The following DTNA variants were observed in gnomAD, a reference collection of about 807,000 sequenced individuals.
DTNA encodes the protein dystrophin-related protein 3.
Under a neutral mutation model 100.7 loss-of-function variants are expected in DTNA, and 43 were observed. The observed-to-expected ratio is 0.43, with a 90% CI of 0.33 to 0.55. The LOEUF is 0.55. Among genes scored for constraint, DTNA ranks in the 20% least tolerant of loss-of-function variants. The pLI is 0.04. For synonymous variants in DTNA, 349 were observed against 347.9 expected, an observed-to-expected ratio of 1.00 and a Z score of -0.04; for missense variants, 798 against 953.9, an observed-to-expected ratio of 0.84 and a Z score of 2.15.
intron 3 of DTNA, among the ~76,000 whole-genome samples, chr18:34,771,258 G>A (rs1045375273): frequency 6.6e-5 from 10 of 152,246 alleles, no homozygotes; most frequent in Admixed American, 5.9e-4. Context: ...CCAGCACTTT[G>A]GGAGGCCGAG....
At chr18:34,551,404 T>C (rs547272913) in intron 1 of DTNA, among the ~76,000 whole-genome samples, 2 of 152,274 alleles carry the variant, frequency 1.3e-5, no homozygotes, top group South Asian at 2.1e-4. Context: ...CAGCATCTTC[T>C]CCACGGGTTC....
chr18:34,643,420 C>G (rs569857581), intron 1 of DTNA, among the ~76,000 whole-genome samples: 1 of 152,338 alleles, frequency 6.6e-6, no homozygotes, highest in Non-Finnish European at 1.5e-5. Flanking sequence ...ATGGCAGCAG[C>G]CTATCCCCAG....
In DTNA at chr18:34,808,912, C is replaced by G. The variant is rs148604862; in HGVS notation, c.448+2608C>G. Reference sequence around the variant, plus strand: ...TACAGATAGTGTGACCCCGATAAATCGCATTCCCCACTTTGAGAGCAGTGC... The same window carrying G: ...TACAGATAGTGTGACCCCGATAAATGGCATTCCCCACTTTGAGAGCAGTGC... On this transcript the variant is annotated intron_variant, in intron 5 of 22. Transcript: ENST00000444659. Among the ~76,000 whole-genome samples the G allele has an allele frequency of 2.0e-5, 3 of 152,256 alleles. No homozygotes were observed. In the East Asian group the frequency reaches 5.8e-4, roughly 29 times the overall value.
chr18:34,737,137 G>A (rs1377223665), intron 1 of DTNA, among the ~76,000 whole-genome samples: 3 of 151,996 alleles, frequency 2.0e-5, no homozygotes, highest in African/African-American at 4.8e-5. Flanking sequence ...TAATAATTTG[G>A]GGCTTAACTG....
At chr18:34,773,676 G>A (rs905070056) in intron 3 of DTNA, among the ~76,000 whole-genome samples, 1 of 152,222 alleles carries the variant, frequency 6.6e-6, no homozygotes, top group African/African-American at 2.4e-5. Flanking sequence ...GGTGGTGGCA[G>A]TGGAATATAA....
At chr18:34,521,672 C>G (rs749021717) in intron 1 of DTNA, among the ~76,000 whole-genome samples, 20 of 152,134 alleles carry the variant, frequency 1.3e-4, no homozygotes, top group Non-Finnish European at 2.9e-5. Flanking sequence ...GACCATTGCA[C>G]TTGCTCTGAC....
At chr18:34,545,703 G>T (rs1297322990) in intron 1 of DTNA, among the ~76,000 whole-genome samples, 2 of 151,876 alleles carry the variant, frequency 1.3e-5, no homozygotes, top group South Asian at 4.2e-4. Context: ...TCAATCTTCT[G>T]CCCAACTCTA....
chr18:34,732,921 G>A (rs1223620778), intron 1 of DTNA, among the ~76,000 whole-genome samples: 1 of 152,042 alleles, frequency 6.6e-6, no homozygotes, highest in Non-Finnish European at 1.5e-5. Flanking sequence ...ATGAGTCCGG[G>A]GATCCTCTGG....
At chr18:34,849,558 T>C (rs1315756271) in intron 14 of DTNA, among the ~76,000 whole-genome samples, 5 of 152,178 alleles carry the variant, frequency 3.3e-5, no homozygotes, top group Admixed American at 3.3e-4. Flanking sequence ...TCCACTGAGA[T>C]AGTAAAATGT....
intron 9 of DTNA, chr18:34,825,390 T>G (rs574294465): frequency 7.6e-7 from 1 of 1,311,186 alleles, no homozygotes; most frequent in South Asian, 1.2e-5. Context: ...CTAAGTCTTC[T>G]TATGCTGTAC....
At chr18:34,555,059 T>C (rs1367837819) in intron 1 of DTNA, among the ~76,000 whole-genome samples, 1 of 128,294 alleles carries the variant, frequency 7.8e-6, no homozygotes, top group African/African-American at 3.2e-5. Flanking sequence ...CAGCTCCTGT[T>C]ATTGGTCTAT....
At chr18:34,668,857 A>G (rs970526026) in intron 1 of DTNA, among the ~76,000 whole-genome samples, 7 of 152,196 alleles carry the variant, frequency 4.6e-5, no homozygotes, top group Non-Finnish European at 5.9e-5. Context: ...TATGTGGTCA[A>G]TTTTGGAATA....
intron 1 of DTNA, among the ~76,000 whole-genome samples, chr18:34,495,954 T>C (rs1019463278): frequency 4.7e-5 from 7 of 149,810 alleles, no homozygotes; most frequent in African/African-American, 1.7e-4. Context: ...ATTCTTCATC[T>C]GTTATTTTTT....
At chr18:34,750,188 G>A (rs757306208) in intron 1 of DTNA, among the ~76,000 whole-genome samples, 18 of 152,164 alleles carry the variant, frequency 1.2e-4, no homozygotes, top group Non-Finnish European at 1.9e-4. Flanking sequence ...AGAGCCAGAC[G>A]TTTCCAAAAA....
At chr18:34,522,004 T>C (rs73424181) in intron 1 of DTNA, among the ~76,000 whole-genome samples, 2,784 of 152,302 alleles carry the variant, frequency 0.018, 86 homozygotes, top group African/African-American at 0.064. Context: ...TAAGTATTTG[T>C]TGAATGAATG....
In DTNA at chr18:34,783,778, A is replaced by G. The variant is rs536663468; in HGVS notation, c.149-10259A>G. Among the ~76,000 whole-genome samples the G allele has an allele frequency of 3.3e-5, 5 of 152,354 alleles. No homozygotes were observed. The East Asian group carries it at 7.7e-4, about 23-fold the overall frequency. On this transcript the variant is annotated intron_variant, in intron 3 of 22. Coordinates refer to ENST00000444659, the MANE Select transcript of DTNA (RefSeq NM_001386795.1). ...GTATCTATTGACCCTGGAAAAGCAT[A>G]CCATTTAATTGAGTCCTTCTTCCCT...
intron 1 of DTNA, among the ~76,000 whole-genome samples, chr18:34,725,811 C>T (rs1033929059): frequency 1.3e-5 from 2 of 152,164 alleles, no homozygotes; most frequent in Non-Finnish European, 2.9e-5. Flanking sequence ...GTGTTTATTG[C>T]AGCACTGTTC....
intron 1 of DTNA, among the ~76,000 whole-genome samples, chr18:34,713,090 T>A (rs1274568123): frequency 6.6e-6 from 1 of 151,886 alleles, no homozygotes; most frequent in Non-Finnish European, 1.5e-5. Flanking sequence ...ATGAAAAGAA[T>A]TGGATTTTTT....
intron 4 of DTNA, among the ~76,000 whole-genome samples, chr18:34,794,501 G>A (rs2094887072): frequency 6.6e-6 from 1 of 152,116 alleles, no homozygotes; most frequent in Non-Finnish European, 1.5e-5. Context: ...CTGACCTTTA[G>A]TTATCTCATC....
Sources: allele counts gnomAD v4.1 joint callset (sites outside exome capture counted in the v4.1 genomes callset), GRCh38; gene constraint gnomAD v4.1.1; transcripts MANE v1.5; gene names NCBI Gene and HGNC (gene_info 2026-07-23, HGNC 2026-07-21).